Variants in TCF3 observed in about 807,000 individuals in gnomAD.
The protein encoded by TCF3 is transcription factor E2-alpha.
In TCF3, 54 loss-of-function variants were observed where a neutral mutation model predicts 72.3. The ratio of observed to expected loss-of-function variants is 0.75; its 90% CI spans 0.60 to 0.94. TCF3 has a LOEUF of 0.94. Ranked by LOEUF, TCF3 falls within the 40% of genes least tolerant of loss-of-function variation. TCF3 has a pLI of 0.00. For missense variants in TCF3, 1,078 were observed against 934.4 expected, an observed-to-expected ratio of 1.15 and a Z score of -2.00; for synonymous variants, 525 against 412.6, an observed-to-expected ratio of 1.27 and a Z score of -3.30.
chr19:1,621,010 AC>A lies in TCF3; in HGVS notation c.1050del (p.Ser351ProfsTer43). 6.6e-7 allele frequency: 1 copy of A among 1,521,388 alleles called. No homozygotes were observed. The highest frequency in any genetic ancestry group is 8.8e-7 in the Non-Finnish European group (1 of 1,134,098). The allele number at this position is 1,521,388 out of a possible 1,614,324, so 94.2% of individuals were successfully genotyped here. Reference sequence around the variant, plus strand: ...GAGCCCACGGGGGTAGAAGGGCTGGACGAGAAGTTATTGCTTGAGTGATCCG... The same window carrying A: ...GAGCCCACGGGGGTAGAAGGGCTGGAGAGAAGTTATTGCTTGAGTGATCCG... ...YSPDHSSNNF[S>X]SSPSTPVGSP... is the part of the protein sequence containing the mutation. On this transcript the variant is annotated frameshift_variant, in exon 13 of 19. Coordinates refer to ENST00000262965, the MANE Select transcript of TCF3 (RefSeq NM_003200.5). LOFTEE classifies it high-confidence loss of function.
chr19:1,627,055 C>A (rs1441547808), intron 6 of TCF3, among the ~76,000 whole-genome samples: 1 of 152,134 alleles, frequency 6.6e-6, no homozygotes, highest in Non-Finnish European at 1.5e-5. Context: ...CCCAGGGGGT[C>A]CACACCTGCA....
At chr19:1,648,604 G>C (rs891929404) in intron 2 of TCF3, among the ~76,000 whole-genome samples, 1 of 152,196 alleles carries the variant, frequency 6.6e-6, no homozygotes. Flanking sequence ...AAAATAAAAC[G>C]GGGCTTAAAA....
At position 1,610,319 on chromosome 19, in the gene TCF3, T is replaced by G; in HGVS notation, c.*1388A>C. ...CCACACAGAGGGAGGGCAGCAGGTGTGGCCCCAGGCCCAGGGATGCTCCCC... is the reference window on the plus strand; with the variant it reads ...CCACACAGAGGGAGGGCAGCAGGTGGGGCCCCAGGCCCAGGGATGCTCCCC... On this transcript the variant is annotated 3_prime_UTR_variant, in exon 19 of 19. Transcript: ENST00000262965. The G allele has an allele frequency of 8.7e-6, 2 of 230,828 alleles. No individual in the cohort carries two copies. 14.3% of individuals were successfully genotyped at this position (230,828 alleles called of 1,614,324 possible). A position where few individuals can be genotyped will look rare whatever the true frequency, so the allele number is the denominator to read the frequency against.
chr19:1,624,096 T>A, intron 7 of TCF3, 96 bp from the exon 8 acceptor site: 1 of 1,337,592 alleles, frequency 7.5e-7, no homozygotes, highest in East Asian at 2.5e-5. Flanking sequence ...TCCCGTTTCA[T>A]ATATTAAAAA....
intron 6 of TCF3, 141 bp from the exon 7 acceptor site, chr19:1,625,849 T>C (rs2062816250): frequency 2.8e-6 from 3 of 1,067,922 alleles, no homozygotes. Context: ...TCACGGTGTT[T>C]CTCTGTGACA....
rs753583623 is a variant in TCF3, at chr19:1,615,553, G to A, written c.1587-33C>T. On this transcript the variant is annotated intron_variant, in intron 17 of 18. Coordinates refer to ENST00000262965, the MANE Select transcript of TCF3 (RefSeq NM_003200.5). The surrounding 1 kb of genome is among the most constrained non-coding windows in gnomAD (Gnocchi z 7.3). ...GAGGGCGCCGGGAGGGGGCCAGAGG[G>A]AGACAGTGAGGTTGGGGGAAGAGCG... 3.7e-5 allele frequency: 60 copies of A among 1,604,690 alleles called. No homozygotes were observed. The highest frequency in any genetic ancestry group is 4.6e-5 in the Non-Finnish European group (54 of 1,179,626).
intron 3 of TCF3, among the ~76,000 whole-genome samples, chr19:1,644,120 C>A (rs2065725290): frequency 6.6e-6 from 1 of 152,254 alleles, no homozygotes; most frequent in East Asian, 1.9e-4. Context: ...AGAGGAGAAG[C>A]AGGAAGCGGG....
rs371753641 is a variant in TCF3, at chr19:1,622,122, C to T, written c.754G>A (p.Gly252Ser). Residue 252 changes from glycine to serine, a missense_variant, in exon 10 of 19, where the codon GGT (glycine) becomes AGT (serine). Gly to Ser is a moderately conservative substitution (Grantham distance 56, BLOSUM62 0). Coordinates refer to ENST00000262965, the MANE Select transcript of TCF3 (RefSeq NM_003200.5). The part of the protein sequence containing the change: ...GGSSPLPLPP[G>S]SGPVGSSGSS... ...CCACTGCTGCCCACCGGGCCGCTAC[C>T]GGGCGGGAGGGGCAGCGGGGATGAG... 21 of 1,599,196 alleles carry T rather than the reference C, an allele frequency of 1.3e-5. No individual in the cohort carries two copies. Among genetic ancestry groups the T allele is most frequent in the East Asian group, 1.1e-4 (5 of 44,252 alleles).
chr19:1,627,064 C>T (rs2062973596), intron 6 of TCF3, among the ~76,000 whole-genome samples: 2 of 152,156 alleles, frequency 1.3e-5, no homozygotes, highest in African/African-American at 2.4e-5. Flanking sequence ...TCCACACCTG[C>T]AAAGCCCTGC....
At chr19:1,613,716 C>A (rs2061270089) in intron 18 of TCF3, among the ~76,000 whole-genome samples, 1 of 152,180 alleles carries the variant, frequency 6.6e-6, no homozygotes, top group Non-Finnish European at 1.5e-5. Flanking sequence ...CCCCCGAGAC[C>A]CCCACACCCT....
intron 2 of TCF3, among the ~76,000 whole-genome samples, chr19:1,649,376 G>A (rs1361168193): frequency 2.6e-5 from 4 of 152,220 alleles, no homozygotes; most frequent in Admixed American, 6.5e-5. Flanking sequence ...TGTCTGCCCT[G>A]TTCACGGAGG....
At chr19:1,619,720 G>A (rs1167585083) in intron 14 of TCF3, 60 bp downstream of exon 14, 7 of 1,386,202 alleles carry the variant, frequency 5.0e-6, no homozygotes, top group Middle Eastern at 2.3e-4. Context: ...CCTTCTCAAG[G>A]AGCGTCTGTC....
chr19:1,638,566 G>C (rs954463325), intron 3 of TCF3, among the ~76,000 whole-genome samples: 2 of 152,100 alleles, frequency 1.3e-5, no homozygotes, highest in Admixed American at 1.3e-4. Context: ...GCAATTTATT[G>C]GTAGCAAATA....
intron 5 of TCF3, among the ~76,000 whole-genome samples, chr19:1,629,258 G>A (rs538890113): frequency 6.6e-6 from 1 of 152,188 alleles, no homozygotes; most frequent in African/African-American, 2.4e-5. Flanking sequence ...GTCTGTCCCA[G>A]GGGACAGGCC....
intron 2 of TCF3, among the ~76,000 whole-genome samples, chr19:1,648,779 C>A (rs2066526071): frequency 6.6e-6 from 1 of 151,740 alleles, no homozygotes; most frequent in Non-Finnish European, 1.5e-5. Flanking sequence ...AAGTGCCCTC[C>A]CCCAACCTGT....
Position 1,646,335 on chromosome 19 carries a change from G to T in TCF3, c.145+20C>A, listed in dbSNP as rs1365687321. On this transcript the variant is annotated intron_variant, in intron 3 of 18. Coordinates refer to ENST00000262965, the MANE Select transcript of TCF3 (RefSeq NM_003200.5). ...TGATCTCCTCACTCCACGAGCGCTGGCAGGAAGGCGGGGTCCTACCTGAAC... is the reference window on the plus strand; with the variant it reads ...TGATCTCCTCACTCCACGAGCGCTGTCAGGAAGGCGGGGTCCTACCTGAAC... 6.5e-7 allele frequency: 1 copy of T among 1,549,530 alleles called. No individual in the cohort carries two copies. Among genetic ancestry groups the T allele is most frequent in the East Asian group, 2.4e-5 (1 of 40,898 alleles).
In TCF3 at chr19:1,644,459, C is replaced by G. The variant is rs141442036; in HGVS notation, c.145+1896G>C. ...CAGGCTGGAGCAGCCACATCACGTC[C>G]CTCAAGGGCAAAAAATGCAACATAC... On this transcript the variant is annotated intron_variant, in intron 3 of 18. Coordinates refer to ENST00000262965, the MANE Select transcript of TCF3 (RefSeq NM_003200.5). Among the ~76,000 whole-genome samples, 582 of 152,278 alleles carry G rather than the reference C, an allele frequency of 3.8e-3. 3 individuals carry two copies. Among genetic ancestry groups the G allele is most frequent in the Non-Finnish European group, 6.4e-3 (432 of 68,004 alleles).
chr19:1,629,791 T>A (rs1487916894), intron 5 of TCF3, among the ~76,000 whole-genome samples: 1 of 151,948 alleles, frequency 6.6e-6, no homozygotes, highest in African/African-American at 2.4e-5. Context: ...AGGAAAAAAA[T>A]TTCCCGATTT....
intron 3 of TCF3, among the ~76,000 whole-genome samples, chr19:1,642,159 CACACACGCACGCGT>C (rs960509123): frequency 6.6e-6 from 1 of 151,514 alleles, no homozygotes; most frequent in African/African-American, 2.4e-5. Flanking sequence ...CACACACACA[CACACACGCACGCGT>C]ACACACACGC....
Sources: allele counts gnomAD v4.1 joint callset (sites outside exome capture counted in the v4.1 genomes callset), GRCh38; gene constraint gnomAD v4.1.1; non-coding constraint Gnocchi (gnomAD v3.1); transcripts MANE v1.5; gene names NCBI Gene and HGNC (gene_info 2026-07-23, HGNC 2026-07-21).